SV2C: variants seen among roughly 807,000 people sequenced by gnomAD.
The protein encoded by SV2C is synaptic vesicle glycoprotein 2C.
SV2C carries 49 observed loss-of-function variants against 79.7 expected under a neutral mutation model. The observed-to-expected ratio is 0.61, with a 90% CI of 0.49 to 0.78. SV2C has a LOEUF of 0.78. SV2C is among the 30% of genes least tolerant of loss of function. The probability of loss-of-function intolerance (pLI) is 0.00; values close to 1 mark genes in which losing one functional copy is unlikely to be tolerated. For missense variants in SV2C, 833 were observed against 912.9 expected (o/e 0.91, Z 1.13); for synonymous variants, 334 against 333.2 (o/e 1.00, Z -0.03).
the SV2C span, among the ~76,000 whole-genome samples, chr5:76,012,008 A>G: frequency 6.6e-6 from 1 of 152,154 alleles, no homozygotes; most frequent in Non-Finnish European, 1.5e-5. Context: ...CCAGTCTATC[A>G]TTGATGGGCA....
At chr5:76,007,582 C>T in the SV2C span, among the ~76,000 whole-genome samples, 1 of 152,062 alleles carries the variant, frequency 6.6e-6, no homozygotes, top group African/African-American at 2.4e-5. Flanking sequence ...ATTAACTGTA[C>T]AGTACTTCGT....
At chr5:75,911,207 A>G in the SV2C span, 5 of 1,590,402 alleles carry the variant, frequency 3.1e-6, no homozygotes, top group African/African-American at 5.4e-5. Flanking sequence ...GGCCCTGCCC[A>G]GGCCCAGCCC....
chr5:76,320,544 A>C (rs1748795530), intron 12 of SV2C, among the ~76,000 whole-genome samples: 1 of 152,162 alleles, frequency 6.6e-6, no homozygotes, highest in African/African-American at 2.4e-5. Context: ...CTTTTTGTTC[A>C]CTTTTTTTGT....
At chr5:76,117,842 A>G (rs1447143272) in intron 1 of SV2C, among the ~76,000 whole-genome samples, 1 of 152,214 alleles carries the variant, frequency 6.6e-6, no homozygotes, top group Admixed American at 6.5e-5. Flanking sequence ...TAAACTTACA[A>G]CAAAGCAGAA....
the SV2C span, among the ~76,000 whole-genome samples, chr5:75,870,962 G>A: frequency 3.3e-5 from 5 of 152,136 alleles, no homozygotes; most frequent in African/African-American, 1.2e-4. Flanking sequence ...AAATGACAGA[G>A]TAACTTCACA....
the SV2C span, among the ~76,000 whole-genome samples, chr5:75,939,021 A>C: frequency 6.6e-6 from 1 of 152,136 alleles, no homozygotes; most frequent in Non-Finnish European, 1.5e-5. Flanking sequence ...ATCATTTGTC[A>C]CTAGGCTATC....
intron 2 of SV2C, among the ~76,000 whole-genome samples, chr5:76,160,043 T>C (rs537190551): frequency 6.6e-6 from 1 of 151,806 alleles, no homozygotes; most frequent in Non-Finnish European, 1.5e-5. Flanking sequence ...TTAAAAAAAA[T>C]TGTTGAAAGA....
intron 4 of SV2C, among the ~76,000 whole-genome samples, chr5:76,266,517 GA>G (rs1282170761): frequency 2.0e-5 from 3 of 152,174 alleles, no homozygotes; most frequent in Admixed American, 6.5e-5. Context: ...CAACATATGT[GA>G]ATCTTGAAGA....
Position 76,171,454 on chromosome 5 carries a change from C to T in SV2C, c.581-23465C>T, listed in dbSNP as rs1275934283. Among the ~76,000 whole-genome samples, 85 of 112,492 alleles carry T rather than the reference C, an allele frequency of 7.6e-4. 2 individuals are homozygous for T. Among genetic ancestry groups the T allele is most frequent in the African/African-American group, 2.5e-3 (79 of 31,672 alleles). 73.8% of individuals were successfully genotyped at this position (112,492 alleles called of 152,430 possible). On this transcript the variant is annotated intron_variant, in intron 2 of 12. Coordinates refer to ENST00000502798, the MANE Select transcript of SV2C (RefSeq NM_014979.4). ...GAGACCCCGTCTGGGAGGTGAGGAG[C>T]GTCTCTGCCCGGCTGCCCCGTCTGA...
the SV2C span, among the ~76,000 whole-genome samples, chr5:75,904,847 A>T: frequency 7.0e-3 from 1,071 of 152,356 alleles, 3 homozygotes; most frequent in Middle Eastern, 0.014. Context: ...TAAGGACAGT[A>T]TATCTTAGCG....
chr5:76,273,807 A>G (rs1265558453), intron 4 of SV2C, among the ~76,000 whole-genome samples: 2 of 152,192 alleles, frequency 1.3e-5, no homozygotes, highest in East Asian at 1.9e-4. Context: ...TCCTGAATGC[A>G]TGATTATGTG....
At chr5:76,305,706 A>T (rs1392615119) in intron 12 of SV2C, among the ~76,000 whole-genome samples, 2 of 152,124 alleles carry the variant, frequency 1.3e-5, no homozygotes, top group African/African-American at 2.4e-5. Context: ...TTCTGTGCCA[A>T]AAAAAATGAA....
chr5:75,924,741 T>C, the SV2C span, among the ~76,000 whole-genome samples: 2 of 148,980 alleles, frequency 1.3e-5, no homozygotes, highest in African/African-American at 2.5e-5. Context: ...ATTAGGCCTT[T>C]CTTTGAAAAT....
rs184744531 is a variant in SV2C, at chr5:76,294,852, C to T, written c.1338-926C>T. Among the ~76,000 whole-genome samples the T allele has an allele frequency of 1.0e-3, 152 of 152,224 alleles. 2 individuals carry two copies. The highest frequency in any genetic ancestry group is 3.5e-3 in the African/African-American group (145 of 41,542). On this transcript the variant is annotated intron_variant, in intron 8 of 12. Coordinates refer to ENST00000502798, the MANE Select transcript of SV2C (RefSeq NM_014979.4). The stretch of plus-strand genomic sequence containing the variant: ...TAACTTGGAATCTCTGAGAATAACA[C>T]GAATGTCCTCTTCCCAGCCTCTAAC...
chr5:75,956,422 G>A, the SV2C span, among the ~76,000 whole-genome samples: 1 of 149,084 alleles, frequency 6.7e-6, no homozygotes, highest in Admixed American at 6.7e-5. Flanking sequence ...GGGAGGGATG[G>A]CATTGGGAGA....
chr5:75,976,857 G>A, the SV2C span, among the ~76,000 whole-genome samples: 4 of 152,230 alleles, frequency 2.6e-5, no homozygotes, highest in Non-Finnish European at 2.9e-5. Context: ...TTTGTAATTC[G>A]AAAAGCTAGC....
At chr5:75,931,904 C>G in the SV2C span, among the ~76,000 whole-genome samples, 27 of 152,308 alleles carry the variant, frequency 1.8e-4, no homozygotes, top group Admixed American at 9.2e-4. Context: ...TCCACTCCTT[C>G]CTTCCTAGCC....
chr5:76,195,801 C>T (rs1008164305), intron 3 of SV2C, among the ~76,000 whole-genome samples: 2 of 152,066 alleles, frequency 1.3e-5, no homozygotes, highest in South Asian at 2.1e-4. Context: ...ATTTTTATAA[C>T]GAATGGGTAC....
At chr5:75,864,166 A>G in the SV2C span, among the ~76,000 whole-genome samples, 1 of 152,068 alleles carries the variant, frequency 6.6e-6, no homozygotes, top group Non-Finnish European at 1.5e-5. Context: ...AGTAAAGGGC[A>G]AAAAGTTCTT....
Sources: allele counts gnomAD v4.1 joint callset (sites outside exome capture counted in the v4.1 genomes callset), GRCh38; gene constraint gnomAD v4.1.1; transcripts MANE v1.5; gene names NCBI Gene and HGNC (gene_info 2026-07-23, HGNC 2026-07-21).